Variants in NNT observed in about 807,000 individuals in gnomAD.
The protein encoded by NNT is NAD(P) transhydrogenase, mitochondrial.
Under a neutral mutation model 104.8 loss-of-function variants are expected in NNT, and 50 were observed. That is an observed-to-expected ratio of 0.48 (90% confidence interval 0.38 to 0.60). The LOEUF (loss-of-function observed/expected upper bound fraction) is 0.60, where lower values mean the gene tolerates loss of function less well. Ranked by LOEUF, NNT falls within the 20% of genes least tolerant of loss-of-function variation. The pLI, the probability that NNT is intolerant of heterozygous loss-of-function variation, is 0.00. For missense variants in NNT, 1,131 were observed against 1,330.7 expected, an observed-to-expected ratio of 0.85 and a Z score of 2.33; for synonymous variants, 461 against 490.4, an observed-to-expected ratio of 0.94 and a Z score of 0.79.
intron 19 of NNT, among the ~76,000 whole-genome samples, chr5:43,699,745 C>A (rs889317276): frequency 6.6e-6 from 1 of 152,068 alleles, no homozygotes; most frequent in African/African-American, 2.4e-5. Context: ...ACATTTAATT[C>A]CAGGCTAGGT....
chr5:43,676,643 T>TCAAAG (rs1741430431), intron 18 of NNT, among the ~76,000 whole-genome samples: 1 of 152,204 alleles, frequency 6.6e-6, no homozygotes, highest in Admixed American at 6.5e-5. Context: ...AGCATTGGTC[T>TCAAAG]TACCTATTGA....
intron 6 of NNT, among the ~76,000 whole-genome samples, chr5:43,626,232 G>A (rs73751787): frequency 0.014 from 2,129 of 152,138 alleles, 50 homozygotes; most frequent in African/African-American, 0.044. Context: ...AAACAATATG[G>A]TATAACAACT....
intron 1 of NNT, among the ~76,000 whole-genome samples, chr5:43,605,519 T>C (rs1161593815): frequency 1.7e-5 from 1 of 58,848 alleles, no homozygotes; most frequent in African/African-American, 9.9e-5. Context: ...CGAGACTCCG[T>C]CTCAAAAAAA....
In NNT at chr5:43,616,014, T is replaced by C. The variant is rs902500139; in HGVS notation, c.548T>C (p.Val183Ala). 2.5e-6 allele frequency: 4 copies of C among 1,613,978 alleles called. No individual in the cohort carries two copies. Among genetic ancestry groups the C allele is most frequent in the Non-Finnish European group, 3.4e-6 (4 of 1,179,976 alleles). The change falls in exon 4 of 22, where the codon GTC becomes GCC. Residue 183 changes from valine to alanine, a missense_variant. Coordinates refer to ENST00000344920, the MANE Select transcript of NNT (RefSeq NM_182977.3). ...TVLAMDQVPR[V>A]TIAQGYDALS... ...CTGGCAATGGACCAGGTTCCAAGAG[T>C]CACAATTGCTCAGGGATATGATGCG...
chr5:43,643,697 G>A (rs1751354048), intron 7 of NNT, among the ~76,000 whole-genome samples: 1 of 152,196 alleles, frequency 6.6e-6, no homozygotes. Context: ...AGGTTAATAT[G>A]ATGTGTTAGA....
chr5:43,656,092 C>G lies in NNT; in HGVS notation c.2293+19C>G, dbSNP rs376354965. 3 of 1,579,338 alleles carry G rather than the reference C, an allele frequency of 1.9e-6. No individual in the cohort carries two copies. The highest frequency in any genetic ancestry group is 2.6e-6 in the Non-Finnish European group (3 of 1,148,642). On this transcript the variant is annotated intron_variant, in intron 15 of 21. Transcript: ENST00000344920. ...TTGCAGGGTAAGTGATTCAGCATAA[C>G]ATAGAGGTAAATATCTACTGTTTAG...
chr5:43,671,925 G>C (rs904453937), intron 17 of NNT, among the ~76,000 whole-genome samples: 4 of 152,100 alleles, frequency 2.6e-5, no homozygotes, highest in African/African-American at 7.2e-5. Context: ...GTACACCAAT[G>C]AGACGTAGAT....
intron 5 of NNT, among the ~76,000 whole-genome samples, chr5:43,619,514 C>T (rs3792917): frequency 0.034 from 5,141 of 152,254 alleles, 130 homozygotes; most frequent in East Asian, 0.12. Context: ...CACTTCTTGT[C>T]AATTTTTGGA....
chr5:43,686,855 A>G (rs936452180), intron 19 of NNT, among the ~76,000 whole-genome samples: 1 of 152,112 alleles, frequency 6.6e-6, no homozygotes, highest in Non-Finnish European at 1.5e-5. Context: ...TTTATTATCA[A>G]TCCCATGGTA....
At chr5:43,651,640 G>T (rs1739771284) in intron 12 of NNT, 99 bp from the exon 13 acceptor site, 5 of 1,269,722 alleles carry the variant, frequency 3.9e-6, no homozygotes, top group Non-Finnish European at 5.6e-6. Flanking sequence ...AGGTGATAAA[G>T]ATGTGCTTAA....
At position 43,670,113 on chromosome 5, in the gene NNT, G is replaced by A. The variant is rs1580082459; in HGVS notation, c.2635-5398G>A. Among the ~76,000 whole-genome samples, 9 of 152,080 alleles carry A rather than the reference G, an allele frequency of 5.9e-5. No homozygotes were observed. The South Asian group carries it at 1.9e-3, about 32-fold the overall frequency. On this transcript the variant is annotated intron_variant, in intron 17 of 21. Coordinates refer to ENST00000344920, the MANE Select transcript of NNT (RefSeq NM_182977.3). The stretch of plus-strand genomic sequence containing the variant: ...TCTGATGGTAGTTTGTATTTCTGTG[G>A]GATTGGTGGTGATATTCTCCTTATC...
chr5:43,653,142 T>G lies in NNT; in HGVS notation c.1988T>G (p.Leu663Arg). 6.2e-7 allele frequency: 1 copy of G among 1,614,162 alleles called. No homozygotes were observed. Among genetic ancestry groups the G allele is most frequent in the Non-Finnish European group, 8.5e-7 (1 of 1,180,020 alleles). The change falls in exon 14 of 22, where the codon CTC becomes CGC. Residue 663 changes from leucine to arginine, a missense_variant. Physicochemically the swap from Leu to Arg is moderately radical, Grantham distance 102. Transcript: ENST00000344920. ...GTTGCTGGAGGACTGGCAGCCACCC[T>G]CGGAGTCCTAAAACCGGGCCCAGAA... The part of the protein sequence containing the change: ...IGVAGGLAAT[L>R]GVLKPGPELL...
At chr5:43,695,640 G>A (rs1742518604) in intron 19 of NNT, among the ~76,000 whole-genome samples, 2 of 152,164 alleles carry the variant, frequency 1.3e-5, no homozygotes, top group Non-Finnish European at 2.9e-5. Flanking sequence ...GTTTTGCTTA[G>A]GAGGCATCCA....
At chr5:43,621,316 A>G (rs902100017) in intron 5 of NNT, among the ~76,000 whole-genome samples, 8 of 152,176 alleles carry the variant, frequency 5.3e-5, no homozygotes, top group African/African-American at 1.7e-4. Context: ...TTATATGTGG[A>G]CCAAGACAAT....
intron 7 of NNT, among the ~76,000 whole-genome samples, chr5:43,643,881 T>C (rs549660144): frequency 1.3e-5 from 2 of 152,366 alleles, no homozygotes; most frequent in Non-Finnish European, 2.9e-5. Context: ...AAACTGTTTA[T>C]CTGTTCATGA....
At chr5:43,656,245 GC>G (rs1740038286) in intron 15 of NNT, among the ~76,000 whole-genome samples, 172 bp downstream of exon 15, 1 of 152,034 alleles carries the variant, frequency 6.6e-6, no homozygotes, top group Non-Finnish European at 1.5e-5. Flanking sequence ...TTCAAGACCA[GC>G]CTGGGCAACA....
intron 7 of NNT, among the ~76,000 whole-genome samples, chr5:43,630,613 T>C (rs1470243728): frequency 6.6e-6 from 1 of 152,236 alleles, no homozygotes; most frequent in East Asian, 1.9e-4. Flanking sequence ...AATCTCCTTC[T>C]AAAGAGTATT....
Position 43,628,238 on chromosome 5 carries a change from A to C in NNT, c.815A>C (p.Glu272Ala). 6.2e-7 allele frequency: 1 copy of C among 1,613,844 alleles called. No homozygotes were observed. Among genetic ancestry groups the C allele is most frequent in the Non-Finnish European group, 8.5e-7 (1 of 1,179,900 alleles). Residue 272 changes from glutamate (E) to alanine (A), a missense_variant, in exon 7 of 22, where the codon GAG (glutamate) becomes GCG (alanine). By Grantham distance (107) the Glu-to-Ala change is moderately radical (BLOSUM62 -1). Coordinates refer to ENST00000344920, the MANE Select transcript of NNT (RefSeq NM_182977.3). ...ALEQFKSLGA[E>A]PLEVDLKESG... is the part of the protein sequence containing the mutation. ...GAACAGTTCAAGTCTCTTGGTGCTG[A>C]GCCCTTGGAGGTGGACTTGAAGGAA...
chr5:43,677,212 A>G (rs1227062312), intron 18 of NNT, among the ~76,000 whole-genome samples: 1 of 152,166 alleles, frequency 6.6e-6, no homozygotes, highest in African/African-American at 2.4e-5. Flanking sequence ...TGTTGAAGCC[A>G]TGAGAGGAGC....
Sources: allele counts gnomAD v4.1 joint callset (sites outside exome capture counted in the v4.1 genomes callset), GRCh38; gene constraint gnomAD v4.1.1; transcripts MANE v1.5; gene names NCBI Gene and HGNC (gene_info 2026-07-23, HGNC 2026-07-21).